Variants in ROBO2 observed in about 807,000 individuals in gnomAD.
ROBO2 encodes roundabout homolog 2.
ROBO2 carries 53 observed loss-of-function variants against 160.8 expected under a neutral mutation model. The ratio of observed to expected loss-of-function variants is 0.33; its 90% CI spans 0.26 to 0.41. The LOEUF (loss-of-function observed/expected upper bound fraction) is 0.41. Ranked by LOEUF, ROBO2 falls within the 10% of genes least tolerant of loss-of-function variation. The probability of loss-of-function intolerance (pLI) is 1.00; values close to 1 mark genes in which losing one functional copy is unlikely to be tolerated. For missense variants in ROBO2, 1,577 were observed against 1,722.4 expected (o/e 0.92, Z 1.49); for synonymous variants, 664 against 611.7 (o/e 1.09, Z -1.26).
chr3:77,594,704 C>G (rs1051138815), intron 17 of ROBO2, among the ~76,000 whole-genome samples: 1 of 152,022 alleles, frequency 6.6e-6, no homozygotes, highest in Non-Finnish European at 1.5e-5. Context: ...TTCATTAGAA[C>G]GACGTAACAT....
intron 23 of ROBO2, among the ~76,000 whole-genome samples, chr3:77,622,656 T>C (rs1341338412): frequency 1.3e-5 from 2 of 152,180 alleles, no homozygotes; most frequent in African/African-American, 2.4e-5. Context: ...TTTAAAGACA[T>C]GAAAGAAAAC....
chr3:77,388,189 AG>A (rs1450467168), intron 2 of ROBO2, among the ~76,000 whole-genome samples: 1 of 151,914 alleles, frequency 6.6e-6, no homozygotes, highest in Non-Finnish European at 1.5e-5. Context: ...TTTTTTGTAA[AG>A]GTACTATTTT....
At chr3:76,438,017 G>A (rs777925899) in intron 2 of ROBO2, among the ~76,000 whole-genome samples, 25 of 152,206 alleles carry the variant, frequency 1.6e-4, no homozygotes, top group Non-Finnish European at 3.4e-4. Context: ...CATTGCAAAA[G>A]GTTAAGCATA....
At position 76,460,241 on chromosome 3, in the gene ROBO2, A is replaced by T. The variant is rs532540659; in HGVS notation, c.109+522639A>T. Reference sequence around the variant, plus strand: ...TTACCAAAACTTAGCAGAAAAAAAAATAGGAAACCTGAAAAATCCCATAAA... The same window carrying T: ...TTACCAAAACTTAGCAGAAAAAAAATTAGGAAACCTGAAAAATCCCATAAA... On this transcript the variant is annotated intron_variant, in intron 2 of 26. Coordinates refer to the ROBO2 transcript ENST00000487694. Among the ~76,000 whole-genome samples, 4 of 152,292 alleles carry T rather than the reference A, an allele frequency of 2.6e-5. No individual in the cohort carries two copies. In the East Asian group the frequency reaches 7.7e-4, roughly 29 times the overall value.
chr3:76,084,320 C>G (rs1158329450), intron 2 of ROBO2, among the ~76,000 whole-genome samples: 1 of 152,072 alleles, frequency 6.6e-6, no homozygotes, highest in Admixed American at 6.6e-5. Context: ...TTAGTCTTTT[C>G]TTCTCCACAG....
At chr3:77,153,650 G>C (rs1465132640) in intron 2 of ROBO2, among the ~76,000 whole-genome samples, 1 of 152,018 alleles carries the variant, frequency 6.6e-6, no homozygotes, top group Non-Finnish European at 1.5e-5. Context: ...TAAAATAATG[G>C]AAGAAGTAGC....
intron 2 of ROBO2, among the ~76,000 whole-genome samples, chr3:76,803,103 G>C (rs570466942): frequency 1.4e-4 from 22 of 152,216 alleles, no homozygotes; most frequent in African/African-American, 4.3e-4. Flanking sequence ...ATAAGACCTT[G>C]AAAGACACAA....
chr3:77,434,527 C>T (rs987065387), intron 2 of ROBO2, among the ~76,000 whole-genome samples: 2 of 152,180 alleles, frequency 1.3e-5, no homozygotes, highest in Non-Finnish European at 2.9e-5. Context: ...GCTCATTTAA[C>T]ACTTGCATAC....
chr3:76,910,931 C>T (rs2075957320), intron 2 of ROBO2, among the ~76,000 whole-genome samples: 1 of 151,844 alleles, frequency 6.6e-6, no homozygotes, highest in Non-Finnish European at 1.5e-5. Context: ...CATTCGAATA[C>T]ATTAAGTACT....
At chr3:77,044,596 G>A (rs2064450729) in intron 1 of ROBO2, among the ~76,000 whole-genome samples, 1 of 151,888 alleles carries the variant, frequency 6.6e-6, no homozygotes, top group African/African-American at 2.4e-5. Context: ...CACTTGAAGA[G>A]TGAAGAAGAT....
chr3:76,336,782 A>G (rs898465809), intron 2 of ROBO2, among the ~76,000 whole-genome samples: 11 of 122,848 alleles, frequency 9.0e-5, no homozygotes, highest in African/African-American at 3.5e-4. Context: ...ATCTATAAAT[A>G]TATCATATAA....
In ROBO2 at chr3:76,689,193, T is replaced by C. The variant is rs571054547; in HGVS notation, c.110-408821T>C. Among the ~76,000 whole-genome samples the C allele has an allele frequency of 5.1e-4, 77 of 152,238 alleles. No individual in the cohort carries two copies. In the Middle Eastern group the frequency reaches 0.01, roughly 20 times the overall value. On this transcript the variant is annotated intron_variant, in intron 2 of 26. Transcript: ENST00000487694. ...CAAATTCAATTATGTTTCAGAAATATATAACATCATGTTTATTCATGCATT... is the reference window on the plus strand; with the variant it reads ...CAAATTCAATTATGTTTCAGAAATACATAACATCATGTTTATTCATGCATT...
intron 4 of ROBO2, among the ~76,000 whole-genome samples, chr3:77,489,957 A>C (rs973230245): frequency 6.6e-6 from 1 of 152,038 alleles, no homozygotes; most frequent in Non-Finnish European, 1.5e-5. Context: ...ACTGTTCTGC[A>C]TTGTTATATT....
chr3:76,377,838 T>C (rs1226518546), intron 2 of ROBO2, among the ~76,000 whole-genome samples: 1 of 152,158 alleles, frequency 6.6e-6, no homozygotes, highest in African/African-American at 2.4e-5. Flanking sequence ...CAAGAATCAT[T>C]GATAACCAAA....
intron 2 of ROBO2, among the ~76,000 whole-genome samples, chr3:76,096,541 A>G (rs1488562121): frequency 1.3e-5 from 2 of 152,168 alleles, no homozygotes; most frequent in African/African-American, 4.8e-5. Context: ...TTATTTTTTT[A>G]TGTATTTGTG....
chr3:76,620,428 A>T (rs2109240575), intron 2 of ROBO2, among the ~76,000 whole-genome samples: 1 of 152,312 alleles, frequency 6.6e-6, no homozygotes, highest in African/African-American at 2.4e-5. Context: ...AGCAAAAAAA[A>T]TGGTATGTTC....
In ROBO2 at chr3:77,412,625, C is replaced by G. The variant is rs113250436; in HGVS notation, c.389-64789C>G. Among the ~76,000 whole-genome samples the G allele has an allele frequency of 2.2e-3, 339 of 152,316 alleles. 2 individuals are homozygous for G. Among genetic ancestry groups the G allele is most frequent in the African/African-American group, 7.9e-3 (329 of 41,582 alleles). ...CTGGAACACCCAAGGCTTGGGCAAT[C>G]TCTGAGCAGCCAAGCCCAGTGTTCT... On this transcript the variant is annotated intron_variant, in intron 2 of 25. Coordinates refer to ENST00000461745, the Ensembl canonical transcript of ROBO2.
chr3:77,507,740 G>A (rs1364909905), intron 5 of ROBO2, among the ~76,000 whole-genome samples: 1 of 152,040 alleles, frequency 6.6e-6, no homozygotes, highest in Non-Finnish European at 1.5e-5. Context: ...AACTTAACTT[G>A]CTTCCACAAC....
chr3:76,582,405 CT>C (rs1446055332), intron 2 of ROBO2, among the ~76,000 whole-genome samples: 1 of 152,050 alleles, frequency 6.6e-6, no homozygotes, highest in African/African-American at 2.4e-5. Context: ...TTCAAAAATG[CT>C]GTTTCTCTTT....
Sources: gnomAD v4.1 joint callset for allele counts (sites outside exome capture counted in the v4.1 genomes callset) on GRCh38, gnomAD v4.1.1 for gene constraint, MANE v1.5 for transcripts, NCBI Gene and HGNC (gene_info 2026-07-23, HGNC 2026-07-21) for gene names.